Variants in ILDR1 observed in about 807,000 individuals in gnomAD.
ILDR1 encodes the protein immunoglobulin like domain containing receptor 1, also known as immunoglobulin-like domain-containing receptor 1.
A neutral mutation model predicts 62.4 loss-of-function variants in ILDR1; 56 were observed. That is an observed-to-expected ratio of 0.90 (90% CI 0.72 to 1.12). The LOEUF is 1.12. Ranked by LOEUF, ILDR1 falls within the 50% of genes most tolerant of loss-of-function variation. The pLI, the probability that ILDR1 is intolerant of heterozygous loss-of-function variation, is 0.00. For synonymous variants in ILDR1, 284 were observed against 277.8 expected (o/e 1.02, Z -0.22); for missense variants, 736 against 710.6 (o/e 1.04, Z -0.41).
At position 122,022,123 on chromosome 3, in the gene ILDR1, T is replaced by A; in HGVS notation, c.-46A>T. On this transcript the variant is annotated 5_prime_UTR_variant, in exon 1 of 8. Transcript: ENST00000344209. ...TTTCAGCTCAGGGGCTTCGGGGCAC[T>A]GCGTCTTTCTTCCTCAGCTGCCGCC... 6.6e-7 allele frequency: 1 copy of A among 1,523,254 alleles called. No homozygotes were observed. Among genetic ancestry groups the A allele is most frequent in the Non-Finnish European group, 9.0e-7 (1 of 1,116,340 alleles). 94.4% of individuals were successfully genotyped at this position (1,523,254 alleles called of 1,614,324 possible).
chr3:122,003,042 C>T (rs529477509), intron 3 of ILDR1, among the ~76,000 whole-genome samples: 2 of 151,974 alleles, frequency 1.3e-5, no homozygotes, highest in Admixed American at 6.6e-5. Flanking sequence ...TGTCAGGCAC[C>T]GAGGAGATGT....
chr3:122,048,782 AT>A, the ILDR1 span, among the ~76,000 whole-genome samples: 1 of 151,758 alleles, frequency 6.6e-6, no homozygotes, highest in African/African-American at 2.4e-5. Flanking sequence ...CTCCTGTTTC[AT>A]TTTTCATCTT....
the ILDR1 span, among the ~76,000 whole-genome samples, chr3:122,038,157 C>A: frequency 6.6e-6 from 1 of 152,170 alleles, no homozygotes; most frequent in Non-Finnish European, 1.5e-5. Context: ...TGGACTACTA[C>A]AAAACCTGAT....
At chr3:122,040,652 G>T in the ILDR1 span, among the ~76,000 whole-genome samples, 1 of 147,086 alleles carries the variant, frequency 6.8e-6, no homozygotes, top group Non-Finnish European at 1.5e-5. Flanking sequence ...TTTGACAAAG[G>T]AGCAAATGGT....
At chr3:122,022,960 T>C (rs1412570062), upstream of ILDR1, among the ~76,000 whole-genome samples, 1 of 139,358 alleles carries the variant, frequency 7.2e-6, no homozygotes, top group Non-Finnish European at 1.5e-5. Flanking sequence ...TAAATAAATA[T>C]TTGTTTCTAG....
At chr3:122,042,189 A>G in the ILDR1 span, among the ~76,000 whole-genome samples, 17 of 82,022 alleles carry the variant, frequency 2.1e-4, no homozygotes, top group Non-Finnish European at 3.3e-4. Flanking sequence ...TTCTTGCGAT[A>G]GTTTACTGAG....
chr3:122,009,290 T>C (rs564988023), intron 1 of ILDR1, among the ~76,000 whole-genome samples: 138 of 141,508 alleles, frequency 9.8e-4, no homozygotes, highest in African/African-American at 3.4e-3. Context: ...CTAAGGACCA[T>C]ACTCTGAGAA....
the ILDR1 span, among the ~76,000 whole-genome samples, chr3:122,049,666 C>T: frequency 6.6e-6 from 1 of 152,200 alleles, no homozygotes; most frequent in African/African-American, 2.4e-5. Context: ...GATTTAAAGT[C>T]TGTTATGGTC....
chr3:121,991,569 G>T (rs750295845), intron 7 of ILDR1, among the ~76,000 whole-genome samples: 1 of 152,226 alleles, frequency 6.6e-6, no homozygotes, highest in Non-Finnish European at 1.5e-5. Flanking sequence ...TGAGGATTAA[G>T]TAAGATGTTA....
intron 7 of ILDR1, among the ~76,000 whole-genome samples, chr3:121,990,865 C>T (rs1481176964): frequency 6.6e-6 from 1 of 152,224 alleles, no homozygotes; most frequent in Admixed American, 6.5e-5. Context: ...GAGCATGCTA[C>T]TCAACCTCTC....
Position 122,001,799 on chromosome 3 carries a change from C to T in ILDR1, c.445G>A (p.Ala149Thr). Residue 149 changes from alanine (A) to threonine (T), a missense_variant, in exon 4 of 8, where the codon GCT becomes ACT. Transcript: ENST00000344209. Reference protein sequence around the residue: ...DHGVYYCTIEAPGDTSGDPDK... With the variant: ...DHGVYYCTIETPGDTSGDPDK... Reference sequence around the variant, plus strand: ...GGGTCTCCTGATGTGTCCCCTGGAGCCTCAATGGTGCAGTAATACACTCCA... The same window carrying T: ...GGGTCTCCTGATGTGTCCCCTGGAGTCTCAATGGTGCAGTAATACACTCCA... 2 of 1,613,280 alleles carry T rather than the reference C, an allele frequency of 1.2e-6. No homozygotes were observed. The highest frequency in any genetic ancestry group is 1.7e-6 in the Non-Finnish European group (2 of 1,179,874).
the ILDR1 span, among the ~76,000 whole-genome samples, chr3:122,059,873 G>A: frequency 0.033 from 4,988 of 152,190 alleles, 256 homozygotes; most frequent in African/African-American, 0.11. Context: ...GCGGAAAAGC[G>A]GTGTGAAGAC....
the ILDR1 span, among the ~76,000 whole-genome samples, chr3:122,044,703 G>T: frequency 2.6e-5 from 4 of 150,956 alleles, no homozygotes; most frequent in African/African-American, 9.7e-5. Flanking sequence ...GTTTATTTGC[G>T]TAGAGGTGTT....
the ILDR1 span, among the ~76,000 whole-genome samples, chr3:122,054,808 T>C: frequency 6.6e-6 from 1 of 152,202 alleles, no homozygotes; most frequent in African/African-American, 2.4e-5. Context: ...TGCCTTTTTT[T>C]CAGACTTCTG....
Position 121,993,492 on chromosome 3 carries a change from G to A in ILDR1, c.1257C>T (p.Asp419=), listed in dbSNP as rs2071386932. ...TGGATGAGGGGACATCGCTTAGGCT[G>A]TCCCTGTCTGACCAGTGTATGGGTG... The part of the protein sequence containing the change: ...NGSPIHWSDR[D]SLSDVPSSSE... The change falls in exon 7 of 8, where the codon GAC becomes GAT. Residue 419 remains aspartate (D), a synonymous_variant. Transcript: ENST00000344209. 1 of 1,614,126 alleles carries A rather than the reference G, an allele frequency of 6.2e-7. No individual in the cohort carries two copies. The highest frequency in any genetic ancestry group is 8.5e-7 in the Non-Finnish European group (1 of 1,180,044).
chr3:122,016,582 G>T (rs941679595), intron 1 of ILDR1, among the ~76,000 whole-genome samples: 1 of 152,206 alleles, frequency 6.6e-6, no homozygotes, highest in Admixed American at 6.5e-5. Context: ...GAGGAGAAAG[G>T]TTATACAATA....
chr3:122,022,249 G>T, upstream of ILDR1: 1 of 556,478 alleles, frequency 1.8e-6, no homozygotes, highest in Non-Finnish European at 3.1e-6. Context: ...GTGCCGCCCG[G>T]CTCGTCCCCA....
In ILDR1 at chr3:122,007,139, C is replaced by T. The variant is rs142568341; in HGVS notation, c.81G>A (p.Thr27=). ...TGACATAGCGTTCTGTGTGCTGGAC[C>T]GTCACAAGCAAGGACAGGCACCCTA... ...LPAGCLSLLV[T]VQHTERYVTL... Residue 27 remains threonine, a synonymous_variant, in exon 2 of 8, where the codon ACG becomes ACA. Transcript: ENST00000344209. The T allele has an allele frequency of 1.7e-5, 28 of 1,613,964 alleles. No homozygotes were observed. Among genetic ancestry groups the T allele is most frequent in the South Asian group, 8.8e-5 (8 of 91,070 alleles).
the ILDR1 span, among the ~76,000 whole-genome samples, chr3:122,038,989 T>C: frequency 6.6e-6 from 1 of 151,844 alleles, no homozygotes; most frequent in Admixed American, 6.6e-5. Flanking sequence ...AATAAAATTT[T>C]GAAAAAATTT....
Sources: gnomAD v4.1 joint callset for allele counts (sites outside exome capture counted in the v4.1 genomes callset) on GRCh38, gnomAD v4.1.1 for gene constraint, MANE v1.5 for transcripts, NCBI Gene and HGNC (gene_info 2026-07-23, HGNC 2026-07-21) for gene names.